Variants in IPMK observed in about 807,000 individuals in gnomAD.
IPMK encodes the protein inositol 1,3,4,6-tetrakisphosphate 5-kinase.
IPMK carries 17 observed loss-of-function variants against 45.8 expected under a neutral mutation model. That is an observed-to-expected ratio of 0.37 (90% CI 0.25 to 0.56). IPMK has a LOEUF of 0.56. Among genes scored for constraint, IPMK ranks in the 20% least tolerant of loss-of-function variants. The pLI, the probability that IPMK is intolerant of heterozygous loss-of-function variation, is 0.79. For synonymous variants in IPMK, 180 were observed against 184.3 expected (o/e 0.98, Z 0.19); for missense variants, 399 against 498.0 (o/e 0.80, Z 1.89).
chr10:58,214,787 C>T (rs1307981570), intron 4 of IPMK, among the ~76,000 whole-genome samples: 2 of 152,196 alleles, frequency 1.3e-5, no homozygotes, highest in Non-Finnish European at 2.9e-5. Flanking sequence ...ATTTTACCTT[C>T]ACGCATCTAG....
At chr10:58,265,669 A>G (rs1225264760) in intron 1 of IPMK, among the ~76,000 whole-genome samples, 1 of 152,192 alleles carries the variant, frequency 6.6e-6, no homozygotes, top group Non-Finnish European at 1.5e-5. Context: ...ATGAAATTGC[A>G]AAAAAAGTTT....
At chr10:58,232,599 G>T (rs1452297862) in intron 2 of IPMK, among the ~76,000 whole-genome samples, 1 of 152,186 alleles carries the variant, frequency 6.6e-6, no homozygotes, top group African/African-American at 2.4e-5. Flanking sequence ...ATAACGAAAT[G>T]AAAGCAGAAA....
intron 1 of IPMK, among the ~76,000 whole-genome samples, chr10:58,253,947 T>A (rs988861437): frequency 6.6e-6 from 1 of 152,018 alleles, no homozygotes; most frequent in African/African-American, 2.4e-5. Context: ...TCCTTTCTCT[T>A]GATGTTTTGA....
chr10:58,247,588 A>C (rs1285054920), intron 1 of IPMK, among the ~76,000 whole-genome samples: 1 of 149,374 alleles, frequency 6.7e-6, no homozygotes, highest in African/African-American at 2.5e-5. Context: ...TCTTACTCAT[A>C]GGTGGGAACT....
At chr10:58,255,552 G>T (rs2790241) in intron 1 of IPMK, among the ~76,000 whole-genome samples, 51,899 of 151,992 alleles carry the variant, frequency 0.34, 11,069 homozygotes, top group African/African-American at 0.61. Flanking sequence ...TCTTGTCTTT[G>T]AATGGTTTCT....
rs1023471488 is a variant in IPMK at position 58,194,086 on chromosome 10, A to T, written c.*1990T>A. 1.5e-4 allele frequency: 23 copies of T among 151,864 alleles called. No homozygotes were observed. Among genetic ancestry groups the T allele is most frequent in the African/African-American group, 4.3e-4 (18 of 41,434 alleles). 9.4% of individuals were successfully genotyped at this position (151,864 alleles called of 1,614,324 possible). A position where few individuals can be genotyped will look rare whatever the true frequency, so the allele number is the denominator to read the frequency against. ...CAAAATTGTATTTCCAAATGCAGAT[A>T]AAAAAATCTTGAACATTAAGATTTT... On this transcript the variant is annotated 3_prime_UTR_variant, in exon 6 of 6. Transcript: ENST00000373935.
chr10:58,263,640 C>T (rs1333977521), intron 1 of IPMK, among the ~76,000 whole-genome samples: 1 of 152,110 alleles, frequency 6.6e-6, no homozygotes, highest in African/African-American at 2.4e-5. Flanking sequence ...AACTACATCA[C>T]GCCACTGCAC....
In IPMK at chr10:58,226,876, A is replaced by G. The variant is rs918802634; in HGVS notation, c.373+167T>C. ...CCATTTTAGAAATGGTTATGAAAACAAAAGTATTAATAAGTTTCATTTAGT... is the reference window on the plus strand; with the variant it reads ...CCATTTTAGAAATGGTTATGAAAACGAAAGTATTAATAAGTTTCATTTAGT... On this transcript the variant is annotated intron_variant, in intron 3 of 5. Transcript: ENST00000373935. Among the ~76,000 whole-genome samples the G allele has an allele frequency of 3.9e-5, 6 of 152,218 alleles. No homozygotes were observed. In the East Asian group the frequency reaches 7.7e-4, roughly 20 times the overall value.
intron 1 of IPMK, among the ~76,000 whole-genome samples, chr10:58,245,453 A>C (rs1838783202): frequency 6.6e-6 from 1 of 151,874 alleles, no homozygotes; most frequent in Non-Finnish European, 1.5e-5. Context: ...CTCTACTGAA[A>C]GCACAAAAAT....
At chr10:58,220,884 C>G (rs1383165836) in intron 3 of IPMK, among the ~76,000 whole-genome samples, 1 of 152,134 alleles carries the variant, frequency 6.6e-6, no homozygotes, top group Admixed American at 6.5e-5. Flanking sequence ...AAGTAAGTCA[C>G]TGATAAGTAT....
At chr10:58,234,815 T>C (rs1838583415) in intron 2 of IPMK, among the ~76,000 whole-genome samples, 1 of 151,816 alleles carries the variant, frequency 6.6e-6, no homozygotes, top group South Asian at 2.1e-4. Flanking sequence ...AATAGACAAA[T>C]GGGATCTAAT....
At chr10:58,228,449 T>C (rs1201771885) in intron 2 of IPMK, among the ~76,000 whole-genome samples, 1 of 152,258 alleles carries the variant, frequency 6.6e-6, no homozygotes, top group African/African-American at 2.4e-5. Context: ...TTTCTCTTCT[T>C]ATTTAGAATA....
At chr10:58,233,034 T>C (rs1302904265) in intron 2 of IPMK, among the ~76,000 whole-genome samples, 1 of 152,192 alleles carries the variant, frequency 6.6e-6, no homozygotes, top group Non-Finnish European at 1.5e-5. Context: ...CATCAGAGAA[T>C]ACGATAAACA....
chr10:58,203,415 C>T (rs1483414681), intron 4 of IPMK, among the ~76,000 whole-genome samples: 3 of 152,220 alleles, frequency 2.0e-5, no homozygotes, highest in African/African-American at 7.2e-5. Context: ...CTTTTGTACT[C>T]AAGCAATCCT....
At position 58,217,032 on chromosome 10, in the gene IPMK, A is replaced by T. The variant is rs1415661768; in HGVS notation, c.374-715T>A. Among the ~76,000 whole-genome samples, 3 of 151,942 alleles carry T rather than the reference A, an allele frequency of 2.0e-5. No homozygotes were observed. The East Asian group carries it at 5.8e-4, about 30-fold the overall frequency. ...CCTGGCTAATTTTTATATTTTTAGTAGAGATGGTGTTTTGCCATGTTGGCC... is the reference window on the plus strand; with the variant it reads ...CCTGGCTAATTTTTATATTTTTAGTTGAGATGGTGTTTTGCCATGTTGGCC... On this transcript the variant is annotated intron_variant, in intron 3 of 5. Coordinates refer to ENST00000373935, the MANE Select transcript of IPMK (RefSeq NM_152230.5).
rs188756817 is a variant in IPMK, at chr10:58,203,563, G to A, written c.547-4242C>T. Among the ~76,000 whole-genome samples the A allele has an allele frequency of 4.3e-4, 65 of 152,260 alleles. No homozygotes were observed. In the East Asian group the frequency reaches 0.011, roughly 26 times the overall value. On this transcript the variant is annotated intron_variant, in intron 4 of 5. Coordinates refer to ENST00000373935, the MANE Select transcript of IPMK (RefSeq NM_152230.5). Reference sequence around the variant, plus strand: ...ACTCCTGAGCTCAAGCGATCCACCCGCCTCAGCCTCCCAAAGTGTTGGGAT... The same window carrying A: ...ACTCCTGAGCTCAAGCGATCCACCCACCTCAGCCTCCCAAAGTGTTGGGAT...
chr10:58,231,590 G>A (rs528368576), intron 2 of IPMK, among the ~76,000 whole-genome samples: 3 of 152,170 alleles, frequency 2.0e-5, no homozygotes, highest in Non-Finnish European at 4.4e-5. Context: ...CTTCGTAAGT[G>A]AAGGAGAAAT....
chr10:58,261,250 CATAGATCTATTTA>C (rs1289897790), intron 1 of IPMK, among the ~76,000 whole-genome samples: 1 of 149,496 alleles, frequency 6.7e-6, no homozygotes, highest in Admixed American at 6.7e-5. Context: ...ATAAAACTTC[CATAGATCTATTTA>C]ATTCTGTAAA....
intron 2 of IPMK, among the ~76,000 whole-genome samples, chr10:58,235,699 A>C (rs949338129): frequency 2.6e-5 from 4 of 152,208 alleles, no homozygotes; most frequent in Non-Finnish European, 4.4e-5. Context: ...GTTATGAGAA[A>C]TACCTAATGT....
Sources: allele counts gnomAD v4.1 joint callset (sites outside exome capture counted in the v4.1 genomes callset), GRCh38; gene constraint gnomAD v4.1.1; transcripts MANE v1.5; gene names NCBI Gene and HGNC (gene_info 2026-07-23, HGNC 2026-07-21).